RLF: variants seen among roughly 807,000 people sequenced by gnomAD.
The protein encoded by RLF is zinc finger protein Rlf.
In RLF, 7 loss-of-function variants were observed where a neutral mutation model predicts 162.9. The observed-to-expected ratio is 0.04, with a 90% CI of 0.02 to 0.08. The LOEUF is 0.08. Among genes scored for constraint, RLF ranks in the 10% least tolerant of loss-of-function variants. The pLI is 1.00. For synonymous variants in RLF, 782 were observed against 791.5 expected (o/e 0.99, Z 0.20); for missense variants, 1,664 against 2,244.7 (o/e 0.74, Z 5.23).
intron 1 of RLF, among the ~76,000 whole-genome samples, chr1:40,177,383 G>A (rs749827893): frequency 2.0e-5 from 3 of 149,106 alleles, no homozygotes; most frequent in Non-Finnish European, 3.0e-5. Context: ...TCCGCCTCCC[G>A]GGGTCACACC....
intron 1 of RLF, among the ~76,000 whole-genome samples, chr1:40,170,606 T>C (rs1642230999): frequency 6.6e-6 from 1 of 152,218 alleles, no homozygotes; most frequent in Non-Finnish European, 1.5e-5. Context: ...TGGTTCTCGC[T>C]ATTTGCAGAT....
In RLF at chr1:40,238,728, A is replaced by G. The variant is rs370418643; in HGVS notation, c.4026A>G (p.Leu1342=). ...TACATCAGTACAACAAAGAACAGTT[A>G]TGTTTGGAGAAAGACAAAGCAAGAA... is the stretch of plus-strand genomic sequence containing the variant. ...RTVHQYNKEQ[L]CLEKDKARTK... Residue 1342 remains leucine, a synonymous_variant, in exon 8 of 8, where the codon TTA becomes TTG. Transcript: ENST00000372771. This position sits in a 1 kb window ranked among gnomAD's most constrained non-coding sequence, Gnocchi z 5.2. 12 of 1,613,774 alleles carry G rather than the reference A, an allele frequency of 7.4e-6. No individual in the cohort carries two copies. Among genetic ancestry groups the G allele is most frequent in the Non-Finnish European group, 1.0e-5 (12 of 1,179,860 alleles).
intron 1 of RLF, among the ~76,000 whole-genome samples, chr1:40,173,656 G>T (rs1162981564): frequency 6.6e-6 from 1 of 151,952 alleles, no homozygotes; most frequent in Non-Finnish European, 1.5e-5. Flanking sequence ...TGGGATTACA[G>T]GTGTGTGTCA....
chr1:40,237,791 A>G lies in RLF; in HGVS notation c.3089A>G (p.Asn1030Ser). The G allele has an allele frequency of 1.2e-6, 2 of 1,614,152 alleles. No individual in the cohort carries two copies. The highest frequency in any genetic ancestry group is 1.3e-5 in the African/African-American group (1 of 75,058). Residue 1030 changes from asparagine (N) to serine (S), a missense_variant, in exon 8 of 8, where the codon AAT (asparagine) becomes AGT (serine). Asn to Ser is a conservative substitution (Grantham distance 46). This residue lies in a region of RLF where 295 missense variants were observed against 317.4 expected (regional missense o/e 0.93). Transcript: ENST00000372771. The surrounding 1 kb of genome is among the most constrained non-coding windows in gnomAD (Gnocchi z 4.4). ...TCCCCAGATGAAGGTCTAGATCACA[A>G]TATTCACATTAAATGTAAACGAGAA... ...SDSPDEGLDH[N>S]IHIKCKREHQ...
chr1:40,182,749 A>AGG (rs1642421436), intron 1 of RLF, among the ~76,000 whole-genome samples: 3 of 110,958 alleles, frequency 2.7e-5, no homozygotes, highest in African/African-American at 1.0e-4. Context: ...AGACAGATAG[A>AGG]TAGGTAGATA....
chr1:40,178,643 T>C (rs1225273929), intron 1 of RLF, among the ~76,000 whole-genome samples: 1 of 137,704 alleles, frequency 7.3e-6, no homozygotes, highest in Non-Finnish European at 1.5e-5. Context: ...TTTTTTTTTT[T>C]TTTTTGGAGA....
intron 1 of RLF, among the ~76,000 whole-genome samples, chr1:40,183,835 A>G (rs1642438226): frequency 6.6e-6 from 1 of 152,138 alleles, no homozygotes; most frequent in Non-Finnish European, 1.5e-5. Flanking sequence ...AGTTGTGCAT[A>G]TTAAATAAGT....
At chr1:40,230,724 G>A (rs1052863954) in intron 6 of RLF, among the ~76,000 whole-genome samples, 12 of 152,082 alleles carry the variant, frequency 7.9e-5, no homozygotes, top group Non-Finnish European at 1.8e-4. Context: ...TGAGCCACCC[G>A]CCATGCCCGG....
rs201014385 is a variant in RLF, at chr1:40,172,398, T to G, written c.237+10762T>G. ...GCATGCACCATAATTTAAACATTTG[T>G]GTTATTTTGTTATTATAAACAGTGT... On this transcript the variant is annotated intron_variant, in intron 1 of 7. Coordinates refer to ENST00000372771, the MANE Select transcript of RLF (RefSeq NM_012421.4). Among the ~76,000 whole-genome samples, 8 of 152,350 alleles carry G rather than the reference T, an allele frequency of 5.3e-5. No homozygotes were observed. In the East Asian group the frequency reaches 1.3e-3, roughly 26 times the overall value.
rs33982008 is a variant in RLF, at chr1:40,185,843, CAAAA to C, written c.238-3193_238-3190del. ...GACTGTCTCAAAAAAAAAAAAAAAGCAAAAAAAAAAAAAAAAAAAAAACCACAAA... is the reference window on the plus strand; with the variant it reads ...GACTGTCTCAAAAAAAAAAAAAAAGCAAAAAAAAAAAAAAAAAACCACAAA... On this transcript the variant is annotated intron_variant, in intron 1 of 7. Coordinates refer to ENST00000372771, the MANE Select transcript of RLF (RefSeq NM_012421.4). Among the ~76,000 whole-genome samples, 42 of 67,544 alleles carry C rather than the reference CAAAA, an allele frequency of 6.2e-4. 1 individual carries two copies. Among genetic ancestry groups the C allele is most frequent in the African/African-American group, 1.5e-3 (26 of 17,334 alleles). The allele number at this position is 67,544 out of a possible 152,430, so 44.3% of individuals were successfully genotyped here. A position where few individuals can be genotyped will look rare whatever the true frequency, so the allele number is the denominator to read the frequency against.
Position 40,230,493 on chromosome 1 carries a change from G to T in RLF, c.948-1024G>T, listed in dbSNP as rs370740345. 8.6e-5 allele frequency among the ~76,000 whole-genome samples: 13 copies of T among 151,976 alleles called. 1 individual carries two copies. Among genetic ancestry groups the T allele is most frequent in the East Asian group, 3.9e-4 (2 of 5,164 alleles). On this transcript the variant is annotated intron_variant, in intron 6 of 7. Coordinates refer to ENST00000372771, the MANE Select transcript of RLF (RefSeq NM_012421.4). ...GTCGCCTAGGCTGGAGTGCAGTGGC[G>T]CTATCTCAGCTCACTGCAACCTCCA...
At chr1:40,166,176 A>T (rs973739223) in intron 1 of RLF, among the ~76,000 whole-genome samples, 32 of 152,038 alleles carry the variant, frequency 2.1e-4, no homozygotes, top group African/African-American at 7.3e-4. Context: ...TCTTTTTTGT[A>T]TACTTAGTAC....
At chr1:40,210,664 A>G (rs1450711377) in intron 5 of RLF, among the ~76,000 whole-genome samples, 2 of 152,218 alleles carry the variant, frequency 1.3e-5, no homozygotes, top group Non-Finnish European at 2.9e-5. Flanking sequence ...TATTATGTTT[A>G]GGACAAGAGA....
chr1:40,235,799 A>T lies in RLF; in HGVS notation c.1097A>T (p.Asp366Val). The T allele has an allele frequency of 6.4e-7, 1 of 1,556,270 alleles. No individual in the cohort carries two copies. Among genetic ancestry groups the T allele is most frequent in the South Asian group, 1.2e-5 (1 of 81,686 alleles). Reference protein sequence around the residue: ...LIRVIQTEAQDAGLGVSILLC... With the variant: ...LIRVIQTEAQVAGLGVSILLC... ...ATCCTCTTTTACTTACAGGCACAAG[A>T]TGCTGGTCTTGGGGTGTCAATTTTA... The change falls in exon 8 of 8, where the codon GAT becomes GTT. Residue 366 changes from aspartate to valine, a missense_variant. Physicochemically the swap from Asp to Val is radical, Grantham distance 152. Coordinates refer to ENST00000372771, the MANE Select transcript of RLF (RefSeq NM_012421.4).
chr1:40,172,825 C>T (rs888366543), intron 1 of RLF, among the ~76,000 whole-genome samples: 7 of 152,040 alleles, frequency 4.6e-5, no homozygotes, highest in Admixed American at 6.6e-5. Flanking sequence ...CTTGCCTGTA[C>T]TCTATCCTGG....
At chr1:40,204,990 C>T (rs750964715) in intron 5 of RLF, among the ~76,000 whole-genome samples, 19 of 152,210 alleles carry the variant, frequency 1.2e-4, no homozygotes, top group Non-Finnish European at 2.4e-4. Context: ...TATATCTGTT[C>T]TCCTAGCTAA....
chr1:40,192,781 T>C (rs532889390), intron 3 of RLF, among the ~76,000 whole-genome samples: 1 of 152,314 alleles, frequency 6.6e-6, no homozygotes, highest in East Asian at 1.9e-4. Flanking sequence ...AGGCAGCAAA[T>C]GGTATTAAGG....
At position 40,240,313 on chromosome 1, in the gene RLF, T is replaced by C. The variant is rs750137943; in HGVS notation, c.5611T>C (p.Cys1871Arg). 6.2e-7 allele frequency: 1 copy of C among 1,614,104 alleles called. No homozygotes were observed. The highest frequency in any genetic ancestry group is 1.3e-5 in the African/African-American group (1 of 74,942). ...TGTATTGGACAAAGCATTAACAGAC[T>C]GTGGAGAGCTTGCCTTAAAACAGCT... ...RVVLDKALTD[C>R]GELALKQLHY... Residue 1871 changes from cysteine (C) to arginine (R), a missense_variant, in exon 8 of 8, where the codon TGT (cysteine) becomes CGT (arginine). Coordinates refer to ENST00000372771, the MANE Select transcript of RLF (RefSeq NM_012421.4).
rs773860314 is a variant in RLF, at chr1:40,237,381, C to T, written c.2679C>T (p.Asp893=). 3.1e-6 allele frequency: 5 copies of T among 1,613,892 alleles called. No individual in the cohort carries two copies. The highest frequency in any genetic ancestry group is 3.3e-5 in the Admixed American group (2 of 59,952). Residue 893 remains aspartate, a synonymous_variant, in exon 8 of 8, where the codon GAC becomes GAT. Coordinates refer to ENST00000372771, the MANE Select transcript of RLF (RefSeq NM_012421.4). The surrounding 1 kb of genome is among the most constrained non-coding windows in gnomAD (Gnocchi z 4.4). ...CAGAAAACCTGAAAGAAAACAGTGA[C>T]AGTAATTCTAGTGATCAGTTAAGTC... ...ETAENLKENS[D]SNSSDQLSHS...
Sources: gnomAD v4.1 joint callset for allele counts (sites outside exome capture counted in the v4.1 genomes callset) on GRCh38, gnomAD v4.1.1 for gene constraint, gnomAD v4.1.1 regional missense constraint, Gnocchi (gnomAD v3.1) non-coding constraint, MANE v1.5 for transcripts, NCBI Gene and HGNC (gene_info 2026-07-23, HGNC 2026-07-21) for gene names.